Variants in SIM1 observed in about 807,000 individuals in gnomAD.
The protein encoded by SIM1 is SIM bHLH transcription factor 1, also known as single-minded homolog 1.
In SIM1, 18 loss-of-function variants were observed where a neutral mutation model predicts 78.2. That is an observed-to-expected ratio of 0.23 (90% CI 0.16 to 0.34). The LOEUF is 0.34. Among genes scored for constraint, SIM1 ranks in the 10% least tolerant of loss-of-function variants. The pLI, the probability that SIM1 is intolerant of heterozygous loss-of-function variation, is 1.00. For missense variants in SIM1, 939 were observed against 975.1 expected (o/e 0.96, Z 0.49); for synonymous variants, 417 against 385.2 (o/e 1.08, Z -0.97).
Position 100,389,429 on chromosome 6 carries a change from T to G in SIM1, c.*932A>C, listed in dbSNP as rs1770580681. 1 of 393,762 alleles carries G rather than the reference T, an allele frequency of 2.5e-6. No individual in the cohort carries two copies. Among genetic ancestry groups the G allele is most frequent in the Non-Finnish European group, 4.5e-6 (1 of 223,286 alleles). The allele number at this position is 393,762 out of a possible 1,614,324, so 24.4% of individuals were successfully genotyped here. On this transcript the variant is annotated 3_prime_UTR_variant, in exon 12 of 12. Transcript: ENST00000369208. Reference sequence around the variant, plus strand: ...CTTTTATTTTTGCACCTATTGGTCTTTTTTCTGGGTGAATTGGTTTGAATT... The same window carrying G: ...CTTTTATTTTTGCACCTATTGGTCTGTTTTCTGGGTGAATTGGTTTGAATT...
At chr6:100,460,837 G>C (rs549644525) in intron 2 of SIM1, among the ~76,000 whole-genome samples, 76 of 152,216 alleles carry the variant, frequency 5.0e-4, no homozygotes, top group African/African-American at 1.7e-3. Flanking sequence ...ATATTTTAAA[G>C]AGCTGTGTTT....
At chr6:100,449,917 G>T (rs1441195663) in intron 4 of SIM1, among the ~76,000 whole-genome samples, 1 of 152,128 alleles carries the variant, frequency 6.6e-6, no homozygotes, top group Non-Finnish European at 1.5e-5. Context: ...CAGTAATAAT[G>T]ATGATAATAA....
At chr6:100,457,383 G>A (rs750105219) in intron 2 of SIM1, among the ~76,000 whole-genome samples, 10 of 152,194 alleles carry the variant, frequency 6.6e-5, no homozygotes, top group Non-Finnish European at 1.2e-4. Flanking sequence ...CTTGGTGACT[G>A]AGGAGGGGAA....
rs1772575669 is a variant in SIM1, at chr6:100,453,785, C to G, written c.235G>C (p.Glu79Gln). 2 of 1,612,056 alleles carry G rather than the reference C, an allele frequency of 1.2e-6. No homozygotes were observed. The highest frequency in any genetic ancestry group is 1.7e-6 in the Non-Finnish European group (2 of 1,179,102). ...RTSPLDNVGR[E>Q]LGSHLLQTLD... ...ACCTGGAGCAGATGGGAGCCCAGTT[C>G]TCGGCCAACGTTGTCCAGGGGGCTG... Residue 79 changes from glutamate (E) to glutamine (Q), a missense_variant, in exon 3 of 12, where the codon GAA (glutamate) becomes CAA (glutamine). By Grantham distance (29) the Glu-to-Gln change is conservative. This residue lies in a region of SIM1 where 121 missense variants were observed against 124.6 expected (regional missense o/e 0.97). Transcript: ENST00000369208.
Position 100,448,500 on chromosome 6 carries a change from T to G in SIM1, c.722A>C (p.Lys241Thr), listed in dbSNP as rs1353183814. ...CCACCTGGAGTCCAGAAAGATGAGC[T>G]TCATGTCCAGGCTGGCGCGGAACAT... is the stretch of plus-strand genomic sequence containing the variant. ...MFMFRASLDM[K>T]LIFLDSRVAE... Residue 241 changes from lysine (K) to threonine (T), a missense_variant, in exon 7 of 12, where the codon AAG becomes ACG. By Grantham distance (78) the Lys-to-Thr change is moderately conservative. This residue lies in a region of SIM1 where 187 missense variants were observed against 191.6 expected (regional missense o/e 0.98). Coordinates refer to ENST00000369208, the MANE Select transcript of SIM1 (RefSeq NM_005068.3). 3.1e-6 allele frequency: 5 copies of G among 1,613,884 alleles called. No homozygotes were observed.
chr6:100,412,699 G>GAAAC (rs1166784869), intron 10 of SIM1, among the ~76,000 whole-genome samples: 1 of 96,950 alleles, frequency 1.0e-5, no homozygotes, highest in Non-Finnish European at 2.1e-5. Flanking sequence ...AAGAAAGAAA[G>GAAAC]AAAGAAAGAA....
At chr6:100,458,027 TCTC>T (rs1772726996) in intron 2 of SIM1, among the ~76,000 whole-genome samples, 2 of 39,210 alleles carry the variant, frequency 5.1e-5, no homozygotes, top group African/African-American at 1.2e-4. Context: ...TCTCTCTCTC[TCTC>T]TCTCTCTCTC....
intron 2 of SIM1, chr6:100,462,604 C>T (rs776049330): frequency 6.6e-6 from 1 of 152,142 alleles, no homozygotes; most frequent in Non-Finnish European, 1.5e-5. Context: ...AAGATATTTT[C>T]TAAGCGGGCT....
intron 10 of SIM1, among the ~76,000 whole-genome samples, chr6:100,398,541 C>T (rs1363789167): frequency 6.6e-6 from 1 of 152,090 alleles, no homozygotes; most frequent in African/African-American, 2.4e-5. Flanking sequence ...TTTGTCTCTT[C>T]GTGACTGGTT....
intron 9 of SIM1, among the ~76,000 whole-genome samples, chr6:100,442,937 A>G (rs1192231023): frequency 1.3e-5 from 2 of 152,132 alleles, no homozygotes; most frequent in Non-Finnish European, 2.9e-5. Context: ...ATATGTTAAC[A>G]TTTAAAATCC....
At chr6:100,456,086 G>A (rs1200019809) in intron 2 of SIM1, among the ~76,000 whole-genome samples, 2 of 151,950 alleles carry the variant, frequency 1.3e-5, no homozygotes, top group Admixed American at 6.5e-5. Context: ...TGCCTTCCCG[G>A]AGGTTTGCCT....
In SIM1 at chr6:100,386,497, G is replaced by A. The variant is rs929683043; in HGVS notation, c.*3864C>T. ...CTTACTTGGTTTAGATCTTGAGGGCGGAAATCTTGTATTTCATTTTAAAAT... is the reference window on the plus strand; with the variant it reads ...CTTACTTGGTTTAGATCTTGAGGGCAGAAATCTTGTATTTCATTTTAAAAT... On this transcript the variant is annotated 3_prime_UTR_variant, in exon 12 of 12. Coordinates refer to ENST00000369208, the MANE Select transcript of SIM1 (RefSeq NM_005068.3). 3.9e-5 allele frequency: 6 copies of A among 152,042 alleles called. No individual in the cohort carries two copies. The highest frequency in any genetic ancestry group is 1.9e-4 in the East Asian group (1 of 5,176). The allele number at this position is 152,042 out of a possible 1,614,324, so 9.4% of individuals were successfully genotyped here. A position where few individuals can be genotyped will look rare whatever the true frequency, so the allele number is the denominator to read the frequency against.
intron 9 of SIM1, among the ~76,000 whole-genome samples, chr6:100,426,490 G>A (rs1030192203): frequency 3.9e-5 from 6 of 152,134 alleles, no homozygotes; most frequent in Admixed American, 1.3e-4. Flanking sequence ...GAAGCTCAGC[G>A]TGACACCCTT....
chr6:100,420,291 T>G (rs938775096), intron 10 of SIM1, among the ~76,000 whole-genome samples: 1 of 152,226 alleles, frequency 6.6e-6, no homozygotes, highest in Non-Finnish European at 1.5e-5. Flanking sequence ...CTACCATTCC[T>G]GCCATCTGGA....
chr6:100,408,600 T>G (rs1012368120), intron 10 of SIM1, among the ~76,000 whole-genome samples: 1 of 152,140 alleles, frequency 6.6e-6, no homozygotes, highest in African/African-American at 2.4e-5. Context: ...TATACTAATT[T>G]GTTGAGAGTT....
intron 9 of SIM1, among the ~76,000 whole-genome samples, chr6:100,445,599 C>A (rs1772332602): frequency 6.6e-6 from 1 of 152,106 alleles, no homozygotes; most frequent in African/African-American, 2.4e-5. Flanking sequence ...AAAATGACTC[C>A]AAACATAAAT....
intron 10 of SIM1, among the ~76,000 whole-genome samples, chr6:100,404,385 C>A (rs866054104): frequency 6.6e-6 from 1 of 152,122 alleles, no homozygotes. Context: ...TATAAAGAGA[C>A]CCTCTTCTGG....
rs1440064346 is a variant in SIM1 at position 100,390,336 on chromosome 6, A to C, written c.*25T>G. On this transcript the variant is annotated 3_prime_UTR_variant, in exon 12 of 12. Transcript: ENST00000369208. ...TATAAATATGTTTCAGAGATCCTTA[A>C]AGAACAAAATATTTCAGCAAAACAT... The C allele has an allele frequency of 6.3e-7, 1 of 1,597,218 alleles. No homozygotes were observed. Among genetic ancestry groups the C allele is most frequent in the African/African-American group, 1.3e-5 (1 of 74,420 alleles).
intron 10 of SIM1, among the ~76,000 whole-genome samples, chr6:100,409,037 C>T: frequency 6.6e-6 from 1 of 152,040 alleles, no homozygotes; most frequent in Admixed American, 6.5e-5. Flanking sequence ...TGATATTAGA[C>T]TTTGTTTTGT....
Sources: allele counts gnomAD v4.1 joint callset (sites outside exome capture counted in the v4.1 genomes callset), GRCh38; gene constraint gnomAD v4.1.1; regional missense constraint gnomAD v4.1.1; transcripts MANE v1.5; gene names NCBI Gene and HGNC (gene_info 2026-07-23, HGNC 2026-07-21).